SORBS2: variants seen among roughly 807,000 people sequenced by gnomAD.
SORBS2 encodes the protein sorbin and SH3 domain containing 2.
A neutral mutation model predicts 97.7 loss-of-function variants in SORBS2; 46 were observed. That is an observed-to-expected ratio of 0.47 (90% CI 0.37 to 0.60). The LOEUF (loss-of-function observed/expected upper bound fraction) is 0.60. Ranked by LOEUF, SORBS2 falls within the 20% of genes least tolerant of loss-of-function variation. The pLI, the probability that SORBS2 is intolerant of heterozygous loss-of-function variation, is 0.00. For missense variants in SORBS2, 1,316 were observed against 1,282.3 expected, an observed-to-expected ratio of 1.03 and a Z score of -0.40; for synonymous variants, 476 against 473.4, an observed-to-expected ratio of 1.01 and a Z score of -0.07.
At position 185,744,982 on chromosome 4, in the gene SORBS2, G is replaced by A. The variant is rs189290643; in HGVS notation, c.-198+30245C>T. Among the ~76,000 whole-genome samples, 373 of 152,302 alleles carry A rather than the reference G, an allele frequency of 2.4e-3. 1 individual carries two copies. The highest frequency in any genetic ancestry group is 4.6e-3 in the Non-Finnish European group (311 of 68,018). On this transcript the variant is annotated intron_variant, in intron 2 of 20. Transcript: ENST00000284776. ...AAACTGTTCTTTGCCCTGGCTGCCC[G>A]CTGACTTTGTTAGGCAGCTGGTGCT...
At chr4:185,828,706 C>A (rs1296450493) in intron 1 of SORBS2, among the ~76,000 whole-genome samples, 1 of 152,112 alleles carries the variant, frequency 6.6e-6, no homozygotes, top group African/African-American at 2.4e-5. Flanking sequence ...TACATCAATT[C>A]CATATCAAAC....
At chr4:185,697,905 C>T (rs183727512) in intron 2 of SORBS2, among the ~76,000 whole-genome samples, 119 of 152,036 alleles carry the variant, frequency 7.8e-4, no homozygotes, top group African/African-American at 2.7e-3. Context: ...TAAAATCTTC[C>T]GTTTTAATTT....
chr4:185,788,110 C>T (rs1343766146), intron 1 of SORBS2, among the ~76,000 whole-genome samples: 2 of 152,246 alleles, frequency 1.3e-5, no homozygotes, highest in African/African-American at 2.4e-5. Context: ...GCTCCAGCGC[C>T]AGCTGCTGCT....
Position 185,690,617 on chromosome 4 carries a change from G to C in SORBS2, c.-197-11795C>G. Reference sequence around the variant, plus strand: ...TATTAAAGTCTTCAGTTTTCCTGTAGGAAAAAAATGGTGCATAATTGTTCA... The same window carrying C: ...TATTAAAGTCTTCAGTTTTCCTGTACGAAAAAAATGGTGCATAATTGTTCA... On this transcript the variant is annotated intron_variant, in intron 2 of 20. Coordinates refer to the SORBS2 transcript ENST00000284776. 7.5e-7 allele frequency: 1 copy of C among 1,335,184 alleles called. No homozygotes were observed. Among genetic ancestry groups the C allele is most frequent in the Non-Finnish European group, 1.0e-6 (1 of 965,390 alleles). The allele number at this position is 1,335,184 out of a possible 1,614,324, so 82.7% of individuals were successfully genotyped here. A position where few individuals can be genotyped will look rare whatever the true frequency, so the allele number is the denominator to read the frequency against.
chr4:185,768,654 G>T (rs1163266927), intron 2 of SORBS2, among the ~76,000 whole-genome samples: 1 of 142,276 alleles, frequency 7.0e-6, no homozygotes, highest in African/African-American at 2.7e-5. Context: ...AGCCAAGATT[G>T]CACCACAGCA....
At chr4:185,789,533 T>A (rs2099071082) in intron 1 of SORBS2, among the ~76,000 whole-genome samples, 1 of 150,684 alleles carries the variant, frequency 6.6e-6, no homozygotes, top group Admixed American at 6.6e-5. Flanking sequence ...AAATATGGAA[T>A]ATATTTATAT....
At chr4:185,934,674 C>T (rs959607438) in intron 1 of SORBS2, among the ~76,000 whole-genome samples, 1 of 151,356 alleles carries the variant, frequency 6.6e-6, no homozygotes, top group East Asian at 1.9e-4. Flanking sequence ...ATTCCAGCTA[C>T]GTGGGAGGTT....
At chr4:185,698,195 GC>G (rs2098205454) in intron 2 of SORBS2, among the ~76,000 whole-genome samples, 1 of 152,180 alleles carries the variant, frequency 6.6e-6, no homozygotes, top group Non-Finnish European at 1.5e-5. Context: ...CAAGATCTTG[GC>G]CAGGCGCAGT....
chr4:185,831,273 CAGA>C (rs1427690155), intron 1 of SORBS2, among the ~76,000 whole-genome samples: 1 of 152,198 alleles, frequency 6.6e-6, no homozygotes, highest in African/African-American at 2.4e-5. Context: ...CCAAATGTGG[CAGA>C]AGAAGAGCGG....
chr4:185,888,088 T>C (rs1273621336), intron 1 of SORBS2, among the ~76,000 whole-genome samples: 1 of 125,688 alleles, frequency 8.0e-6, no homozygotes, highest in Non-Finnish European at 1.7e-5. Flanking sequence ...TATTTTGCTT[T>C]CTGGCATTCA....
chr4:185,638,265 A>G, intron 4 of SORBS2, 103 bp from the exon 15 acceptor site: 2 of 752,954 alleles, frequency 2.7e-6, no homozygotes. Flanking sequence ...ACACGCAAAC[A>G]TGCATCAACT....
intron 1 of SORBS2, among the ~76,000 whole-genome samples, chr4:185,924,634 C>A (rs1302116382): frequency 6.6e-6 from 1 of 152,178 alleles, no homozygotes; most frequent in Non-Finnish European, 1.5e-5. Context: ...TATTAAAAGA[C>A]TAGGGTGGGA....
chr4:185,617,445 T>G (rs1210942940), intron 9 of SORBS2, among the ~76,000 whole-genome samples: 1 of 152,226 alleles, frequency 6.6e-6, no homozygotes, highest in Non-Finnish European at 1.5e-5. Context: ...GATTTATTTA[T>G]ATATGTCTTC....
rs781012467 is a variant in SORBS2, at chr4:185,649,512, G to A, written c.236C>T (p.Pro79Leu). The A allele has an allele frequency of 4.4e-5, 70 of 1,603,096 alleles. No individual in the cohort carries two copies. The South Asian group carries it at 7.1e-4, about 16-fold the overall frequency. ...TCTTGGTCGAAGCGGCGGGACTGGAGGTGGAACATGTGGGGGAGGCACTGG... is the reference window on the plus strand; with the variant it reads ...TCTTGGTCGAAGCGGCGGGACTGGAAGTGGAACATGTGGGGGAGGCACTGG... The change falls in exon 3 of 15, where the codon CCT (proline) becomes CTT (leucine). Residue 79 changes from proline (P) to leucine (L), a missense_variant. Physicochemically the swap from Pro to Leu is moderately conservative, Grantham distance 98. Transcript: ENST00000418609.
chr4:185,765,341 T>A (rs1487366528), intron 2 of SORBS2, among the ~76,000 whole-genome samples: 1 of 152,022 alleles, frequency 6.6e-6, no homozygotes, highest in Non-Finnish European at 1.5e-5. Context: ...GGGTTAAACA[T>A]ACCAAATAGT....
chr4:185,728,966 C>A (rs144667645), intron 2 of SORBS2, among the ~76,000 whole-genome samples: 1 of 152,318 alleles, frequency 6.6e-6, no homozygotes, highest in East Asian at 1.9e-4. Context: ...ATGAAGTCAG[C>A]CCTTCCATCT....
chr4:185,770,726 T>C (rs150751498), intron 2 of SORBS2, among the ~76,000 whole-genome samples: 78 of 152,264 alleles, frequency 5.1e-4, no homozygotes, highest in African/African-American at 1.9e-3. Context: ...ACATTGTATA[T>C]GTAAATTTAG....
intron 1 of SORBS2, among the ~76,000 whole-genome samples, chr4:185,839,004 T>A (rs2099209876): frequency 6.6e-6 from 1 of 152,186 alleles, no homozygotes; most frequent in African/African-American, 2.4e-5. Flanking sequence ...AAACTGGACA[T>A]CTCTTTCTCA....
At chr4:185,717,990 C>T (rs114965308) in intron 2 of SORBS2, among the ~76,000 whole-genome samples, 4,403 of 152,258 alleles carry the variant, frequency 0.029, 237 homozygotes, top group African/African-American at 0.1. Context: ...CCTGCAACCC[C>T]GACACTTTGG....
Sources: gnomAD v4.1 joint callset for allele counts (sites outside exome capture counted in the v4.1 genomes callset) on GRCh38, gnomAD v4.1.1 for gene constraint, MANE v1.5 for transcripts, NCBI Gene and HGNC (gene_info 2026-07-23, HGNC 2026-07-21) for gene names.